CDH10: variants seen among roughly 807,000 people sequenced by gnomAD.
The protein encoded by CDH10 is cadherin 10.
A neutral mutation model predicts 73.1 loss-of-function variants in CDH10; 30 were observed. That is an observed-to-expected ratio of 0.41 (90% confidence interval 0.31 to 0.56). The LOEUF (loss-of-function observed/expected upper bound fraction) is 0.56. CDH10 is among the 20% of genes least tolerant of loss of function. The pLI, the probability that CDH10 is intolerant of heterozygous loss-of-function variation, is 0.27. For synonymous variants in CDH10, 345 were observed against 348.2 expected (o/e 0.99, Z 0.10); for missense variants, 815 against 973.7 (o/e 0.84, Z 2.17).
intron 1 of CDH10, among the ~76,000 whole-genome samples, chr5:24,626,439 G>A (rs554029618): frequency 1.3e-5 from 2 of 152,154 alleles, no homozygotes; most frequent in East Asian, 3.9e-4. Flanking sequence ...GGAAAAGCAG[G>A]TCCTAAAACA....
chr5:24,512,676 T>C (rs1742963464), intron 5 of CDH10, among the ~76,000 whole-genome samples: 1 of 152,198 alleles, frequency 6.6e-6, no homozygotes, highest in African/African-American at 2.4e-5. Context: ...TAGATGTGCT[T>C]CCAGCATGAA....
At chr5:24,524,497 T>G (rs1743452460) in intron 5 of CDH10, among the ~76,000 whole-genome samples, 2 of 40,698 alleles carry the variant, frequency 4.9e-5, no homozygotes, top group Non-Finnish European at 1.2e-4. Flanking sequence ...TGCTCCTTAT[T>G]TTTTTATCTT....
intron 2 of CDH10, among the ~76,000 whole-genome samples, chr5:24,548,916 GA>G (rs1744443127): frequency 6.6e-6 from 1 of 152,054 alleles, no homozygotes; most frequent in East Asian, 1.9e-4. Flanking sequence ...AAACAAGGCT[GA>G]AAAATAGCTA....
intron 5 of CDH10, among the ~76,000 whole-genome samples, chr5:24,513,969 T>C (rs1743014987): frequency 6.6e-6 from 1 of 152,162 alleles, no homozygotes; most frequent in Non-Finnish European, 1.5e-5. Context: ...CATTCTATTA[T>C]CTACTTACTT....
intron 2 of CDH10, among the ~76,000 whole-genome samples, chr5:24,562,606 CTTGA>C (rs751470952): frequency 1.6e-4 from 24 of 151,994 alleles, no homozygotes; most frequent in South Asian, 4.1e-4. Context: ...CACTGTAAAA[CTTGA>C]TTGTCTATTT....
In CDH10 at chr5:24,598,249, T is replaced by A. The variant is rs537994403; in HGVS notation, c.-123-4636A>T. On this transcript the variant is annotated intron_variant, in intron 1 of 11. Coordinates refer to ENST00000264463, the MANE Select transcript of CDH10 (RefSeq NM_006727.5). Reference sequence around the variant, plus strand: ...ACACTAAGGACTCAAATAATATGAGTCCATATGCTTGATCATATTATCCAA... The same window carrying A: ...ACACTAAGGACTCAAATAATATGAGACCATATGCTTGATCATATTATCCAA... Among the ~76,000 whole-genome samples, 25 of 152,030 alleles carry A rather than the reference T, an allele frequency of 1.6e-4. No homozygotes were observed. The East Asian group carries it at 4.5e-3, about 27-fold the overall frequency.
chr5:24,604,871 TAAAAAA>T (rs71576696), intron 1 of CDH10, among the ~76,000 whole-genome samples: 90 of 116,354 alleles, frequency 7.7e-4, no homozygotes, highest in Middle Eastern at 4.1e-3. Context: ...AAGATGTCTC[TAAAAAA>T]AAAAAAAAAA....
chr5:24,555,699 A>C (rs538226280), intron 2 of CDH10, among the ~76,000 whole-genome samples: 1 of 152,306 alleles, frequency 6.6e-6, no homozygotes, highest in South Asian at 2.1e-4. Context: ...ATTATCATCT[A>C]TCCTCAAATA....
At chr5:24,550,676 T>C (rs1341201438) in intron 2 of CDH10, among the ~76,000 whole-genome samples, 1 of 152,288 alleles carries the variant, frequency 6.6e-6, no homozygotes, top group Non-Finnish European at 1.5e-5. Context: ...TACTTGTCCT[T>C]AACAGAATGC....
chr5:24,631,589 C>T (rs1012406502), intron 1 of CDH10, among the ~76,000 whole-genome samples: 1 of 151,916 alleles, frequency 6.6e-6, no homozygotes, highest in African/African-American at 2.4e-5. Context: ...CCTTTCAAGT[C>T]CCTCTTCAGC....
intron 6 of CDH10, among the ~76,000 whole-genome samples, chr5:24,510,112 A>C (rs985974215): frequency 6.6e-6 from 1 of 152,222 alleles, no homozygotes; most frequent in African/African-American, 2.4e-5. Context: ...CATTACAAAA[A>C]ATGGGCTAAT....
chr5:24,634,298 C>CT (rs1177715867), intron 1 of CDH10, among the ~76,000 whole-genome samples: 5 of 151,754 alleles, frequency 3.3e-5, no homozygotes, highest in Non-Finnish European at 7.4e-5. Context: ...GCAAGTTAAA[C>CT]TTTTTCTCTA....
rs1236082270 is a variant in CDH10 at position 24,554,522 on chromosome 5, A to ACG, written c.232-16850_232-16849dup. Among the ~76,000 whole-genome samples, 350 of 79,214 alleles carry ACG rather than the reference A, an allele frequency of 4.4e-3. 1 individual carries two copies. The highest frequency in any genetic ancestry group is 0.014 in the African/African-American group (324 of 22,898). The allele number at this position is 79,214 out of a possible 152,430, so 52.0% of individuals were successfully genotyped here. On this transcript the variant is annotated intron_variant, in intron 2 of 11. Coordinates refer to ENST00000264463, the MANE Select transcript of CDH10 (RefSeq NM_006727.5). ...TGTGTGTGTGTGTGTGTGTGTGTGCACGTGCATGATTTTTCTTGATGGCTT... is the reference window on the plus strand; with the variant it reads ...TGTGTGTGTGTGTGTGTGTGTGTGCACGCGTGCATGATTTTTCTTGATGGCTT...
intron 8 of CDH10, among the ~76,000 whole-genome samples, chr5:24,501,199 G>A (rs903962587): frequency 4.6e-5 from 7 of 152,106 alleles, no homozygotes; most frequent in African/African-American, 1.4e-4. Context: ...ACTTTCTAAT[G>A]ATGCCACAGA....
At chr5:24,491,905 T>C (rs1742068044) in intron 10 of CDH10, 78 bp from the exon 11 acceptor site, 1 of 806,140 alleles carries the variant, frequency 1.2e-6, no homozygotes, top group Non-Finnish European at 1.9e-6. Context: ...GTTTAACATA[T>C]AAATAAAAAC....
intron 1 of CDH10, among the ~76,000 whole-genome samples, chr5:24,610,519 A>G (rs1746907491): frequency 6.6e-6 from 1 of 152,162 alleles, no homozygotes; most frequent in African/African-American, 2.4e-5. Context: ...TTCAAAATAC[A>G]CATGAATAAA....
At chr5:24,567,570 T>C (rs1007049704) in intron 2 of CDH10, among the ~76,000 whole-genome samples, 1 of 151,900 alleles carries the variant, frequency 6.6e-6, no homozygotes, top group African/African-American at 2.4e-5. Flanking sequence ...AAAGGTCCAT[T>C]TAAATAAAAT....
intron 2 of CDH10, among the ~76,000 whole-genome samples, chr5:24,541,627 T>C (rs1744160745): frequency 6.6e-6 from 1 of 152,152 alleles, no homozygotes; most frequent in Non-Finnish European, 1.5e-5. Flanking sequence ...TGTGTTTTAC[T>C]ATTTTATTAT....
chr5:24,549,794 T>C (rs1375671451), intron 2 of CDH10, among the ~76,000 whole-genome samples: 1 of 151,974 alleles, frequency 6.6e-6, no homozygotes, highest in African/African-American at 2.4e-5. Flanking sequence ...TCAGGTGAGC[T>C]GCTCGCCTCA....
Sources: gnomAD v4.1 joint callset for allele counts (sites outside exome capture counted in the v4.1 genomes callset) on GRCh38, gnomAD v4.1.1 for gene constraint, MANE v1.5 for transcripts, NCBI Gene and HGNC (gene_info 2026-07-23, HGNC 2026-07-21) for gene names.